ROCK1: variants seen among roughly 807,000 people sequenced by gnomAD.
ROCK1 encodes rho-associated protein kinase 1.
A neutral mutation model predicts 196.8 loss-of-function variants in ROCK1; 36 were observed. That is an observed-to-expected ratio of 0.18 (90% confidence interval 0.14 to 0.24). The LOEUF (loss-of-function observed/expected upper bound fraction) is 0.24. Among genes scored for constraint, ROCK1 ranks in the 10% least tolerant of loss-of-function variants. The pLI is 1.00. For missense variants in ROCK1, 920 were observed against 1,562.0 expected (o/e 0.59, Z 6.93); for synonymous variants, 443 against 515.9 (o/e 0.86, Z 1.91).
At chr18:21,033,854 TAAAA>T (rs71269004) in intron 9 of ROCK1, among the ~76,000 whole-genome samples, 525 of 33,438 alleles carry the variant, frequency 0.016, 6 homozygotes, top group African/African-American at 0.033. Context: ...CCGTTTCTAC[TAAAA>T]AAAAAAAAAA....
intron 22 of ROCK1, among the ~76,000 whole-genome samples, chr18:20,972,459 G>C (rs1195513204): frequency 6.6e-6 from 1 of 152,138 alleles, no homozygotes; most frequent in Admixed American, 6.6e-5. Context: ...CTTGGACTCT[G>C]ACACCATTTA....
intron 16 of ROCK1, among the ~76,000 whole-genome samples, chr18:20,995,789 A>C (rs963251345): frequency 6.6e-6 from 1 of 152,166 alleles, no homozygotes; most frequent in Admixed American, 6.5e-5. Flanking sequence ...ATCTTACCCA[A>C]AACCACCAAC....
At chr18:20,955,909 G>C (rs2035237234) in intron 29 of ROCK1, among the ~76,000 whole-genome samples, 1 of 151,728 alleles carries the variant, frequency 6.6e-6, no homozygotes, top group South Asian at 2.1e-4. Flanking sequence ...ATGGAGAACA[G>C]ATTAATGTTG....
chr18:21,081,109 T>C (rs1162305351), intron 1 of ROCK1, among the ~76,000 whole-genome samples: 2 of 152,208 alleles, frequency 1.3e-5, no homozygotes, highest in African/African-American at 2.4e-5. Context: ...ATAGACTTAT[T>C]ATGTTATGCC....
At chr18:21,035,299 T>G (rs927927925) in intron 9 of ROCK1, among the ~76,000 whole-genome samples, 5 of 152,182 alleles carry the variant, frequency 3.3e-5, no homozygotes, top group African/African-American at 1.2e-4. Context: ...TCCCAGCACT[T>G]TGGTGCACTG....
chr18:21,005,519 G>T (rs1239343249), intron 16 of ROCK1, among the ~76,000 whole-genome samples: 1 of 152,190 alleles, frequency 6.6e-6, no homozygotes, highest in Non-Finnish European at 1.5e-5. Flanking sequence ...TACATACCCT[G>T]CAGGAGTACC....
intron 16 of ROCK1, among the ~76,000 whole-genome samples, chr18:21,005,197 T>G (rs2035758414): frequency 6.6e-6 from 1 of 152,232 alleles, no homozygotes; most frequent in African/African-American, 2.4e-5. Context: ...AAACTGAATT[T>G]TATTACTATT....
intron 27 of ROCK1, among the ~76,000 whole-genome samples, chr18:20,961,868 C>T (rs1233506833): frequency 7.5e-6 from 1 of 133,290 alleles, no homozygotes; most frequent in Non-Finnish European, 1.5e-5. Context: ...GTTGTCCAGG[C>T]TGGCCTCAAA....
At chr18:21,063,028 C>T (rs1393949408) in intron 2 of ROCK1, among the ~76,000 whole-genome samples, 2 of 152,102 alleles carry the variant, frequency 1.3e-5, no homozygotes, top group African/African-American at 4.8e-5. Flanking sequence ...CAGAATACCA[C>T]AGAATGGGTA....
At chr18:21,009,315 G>A (rs2035796677) in intron 13 of ROCK1, among the ~76,000 whole-genome samples, 1 of 150,502 alleles carries the variant, frequency 6.6e-6, no homozygotes, top group African/African-American at 2.4e-5. Context: ...GCCTGGCCAA[G>A]ACAGGTTTTT....
At chr18:20,967,992 C>A (rs2143356015) in intron 25 of ROCK1, 52 bp from the exon 26 acceptor site, 2 of 1,300,512 alleles carry the variant, frequency 1.5e-6, no homozygotes, top group East Asian at 2.7e-5. Flanking sequence ...CAATTTAATA[C>A]TAAAATGTAT....
At chr18:21,038,445 G>GT (rs1425377956) in intron 9 of ROCK1, among the ~76,000 whole-genome samples, 1 of 152,052 alleles carries the variant, frequency 6.6e-6, no homozygotes, top group East Asian at 1.9e-4. Context: ...TCAGCACAAT[G>GT]TAAGTACTGT....
At chr18:21,051,239 G>A (rs1362469438) in intron 2 of ROCK1, among the ~76,000 whole-genome samples, 4 of 152,262 alleles carry the variant, frequency 2.6e-5, no homozygotes, top group Admixed American at 1.3e-4. Context: ...TATGAGTCCA[G>A]GAGTTCAAGA....
At position 21,013,834 on chromosome 18, in the gene ROCK1, CG is replaced by C. The variant is rs536503902; in HGVS notation, c.1410+1596del. Among the ~76,000 whole-genome samples the C allele has an allele frequency of 2.0e-3, 306 of 152,022 alleles. 2 individuals carry two copies. The highest frequency in any genetic ancestry group is 7.2e-3 in the African/African-American group (298 of 41,486). On this transcript the variant is annotated intron_variant, in intron 13 of 32. Coordinates refer to ENST00000399799, the MANE Select transcript of ROCK1 (RefSeq NM_005406.3). ...ATCCCAGCACTTTGGGAGGCCAAGGCGGGTGGATCAAGGTCAGGAGATTGAG... is the reference window on the plus strand; with the variant it reads ...ATCCCAGCACTTTGGGAGGCCAAGGCGGTGGATCAAGGTCAGGAGATTGAG...
chr18:21,073,446 C>G (rs2143556030), intron 1 of ROCK1, among the ~76,000 whole-genome samples: 1 of 152,150 alleles, frequency 6.6e-6, no homozygotes, highest in Non-Finnish European at 1.5e-5. Context: ...GAAAATTATT[C>G]AACACTACTA....
chr18:20,984,675 T>C, intron 19 of ROCK1, 140 bp from the exon 20 acceptor site: 1 of 607,512 alleles, frequency 1.6e-6, no homozygotes, highest in Non-Finnish European at 2.7e-6. Flanking sequence ...GAGTCTTCAT[T>C]GTTCCACGTG....
intron 31 of ROCK1, among the ~76,000 whole-genome samples, chr18:20,954,251 T>C (rs2035218841): frequency 7.1e-6 from 1 of 141,450 alleles, no homozygotes; most frequent in African/African-American, 2.7e-5. Context: ...TTGTTTGTTT[T>C]TGTTTGTTTA....
At chr18:21,082,276 A>T (rs1427631474) in intron 1 of ROCK1, among the ~76,000 whole-genome samples, 3 of 152,192 alleles carry the variant, frequency 2.0e-5, no homozygotes, top group East Asian at 3.9e-4. Context: ...ATTAACACGA[A>T]TCCTTTTCAA....
intron 22 of ROCK1, among the ~76,000 whole-genome samples, chr18:20,975,135 G>A (rs1259548770): frequency 6.6e-6 from 1 of 152,106 alleles, no homozygotes; most frequent in Non-Finnish European, 1.5e-5. Context: ...AATACAACAG[G>A]TAAGAAAATT....
Sources: gnomAD v4.1 joint callset for allele counts (sites outside exome capture counted in the v4.1 genomes callset) on GRCh38, gnomAD v4.1.1 for gene constraint, MANE v1.5 for transcripts, NCBI Gene and HGNC (gene_info 2026-07-23, HGNC 2026-07-21) for gene names.